AHCTF1: variants seen among roughly 807,000 people sequenced by gnomAD.
AHCTF1 encodes AT-hook containing transcription factor 1.
In AHCTF1, 24 loss-of-function variants were observed where a neutral mutation model predicts 248.4. That is an observed-to-expected ratio of 0.10 (90% CI 0.07 to 0.14). The LOEUF (loss-of-function observed/expected upper bound fraction) is 0.14. Ranked by LOEUF, AHCTF1 falls within the 10% of genes least tolerant of loss-of-function variation. The pLI, the probability that AHCTF1 is intolerant of heterozygous loss-of-function variation, is 1.00. For synonymous variants in AHCTF1, 786 were observed against 929.8 expected, an observed-to-expected ratio of 0.85 and a Z score of 2.81; for missense variants, 2,206 against 2,636.2, an observed-to-expected ratio of 0.84 and a Z score of 3.57.
At position 246,841,082 on chromosome 1, in the gene AHCTF1, C is replaced by T. The variant is rs911249294; in HGVS notation, c.6609-84G>A. 6 of 1,190,330 alleles carry T rather than the reference C, an allele frequency of 5.0e-6. No homozygotes were observed. In the African/African-American group the frequency reaches 7.9e-5, roughly 16 times the overall value. The allele number at this position is 1,190,330 out of a possible 1,614,324, so 73.7% of individuals were successfully genotyped here. On this transcript the variant is annotated intron_variant, in intron 35 of 35. Coordinates refer to ENST00000648844, the MANE Select transcript of AHCTF1 (RefSeq NM_001323342.2). ...GGCTTCCCAACATGTTGAGAAAAAC[C>T]TTAGGGACTGCTTAGTGCTTTCATT...
chr1:246,853,403 A>G, intron 31 of AHCTF1, 104 bp from the exon 32 acceptor site: 1 of 842,370 alleles, frequency 1.2e-6, no homozygotes, highest in Non-Finnish European at 1.8e-6. Flanking sequence ...TGAATAGTGT[A>G]TTAATAAACT....
chr1:246,928,819 C>T (rs761798794), intron 1 of AHCTF1, among the ~76,000 whole-genome samples: 3 of 152,138 alleles, frequency 2.0e-5, no homozygotes, highest in Non-Finnish European at 2.9e-5. Context: ...AATAAAAAGA[C>T]GAATTGTCAT....
intron 10 of AHCTF1, 57 bp from the exon 11 acceptor site, chr1:246,899,569 G>T: frequency 7.3e-7 from 1 of 1,374,310 alleles, no homozygotes; most frequent in South Asian, 1.3e-5. Flanking sequence ...GGCATTAATA[G>T]AACAAAATTT....
intron 1 of AHCTF1, among the ~76,000 whole-genome samples, chr1:246,929,565 C>G (rs1184536102): frequency 6.6e-6 from 1 of 152,078 alleles, no homozygotes; most frequent in Non-Finnish European, 1.5e-5. Flanking sequence ...CAGAATGAGT[C>G]CAGGATTGAT....
At chr1:246,905,751 C>T (rs1665343139) in intron 5 of AHCTF1, 94 bp from the exon 6 acceptor site, 1 of 842,466 alleles carries the variant, frequency 1.2e-6, no homozygotes, top group African/African-American at 1.7e-5. Context: ...AACCACTGTT[C>T]CTACACTTCC....
At chr1:246,846,137 A>G (rs1181413904) in intron 33 of AHCTF1, among the ~76,000 whole-genome samples, 1 of 149,206 alleles carries the variant, frequency 6.7e-6, no homozygotes, top group African/African-American at 2.5e-5. Context: ...GCCCTTCTTA[A>G]TATCTGCTGT....
Position 246,903,079 on chromosome 1 carries a change from G to C in AHCTF1, c.967-404C>G. ...GATACCTTTAAGAATCTGACAAAAG[G>C]CTATGAGACTTCGCCCATAAAAATG... On this transcript the variant is annotated intron_variant, in intron 7 of 35. Transcript: ENST00000648844. 2.0e-5 allele frequency among the ~76,000 whole-genome samples: 3 copies of C among 152,274 alleles called. No homozygotes were observed. The South Asian group carries it at 6.2e-4, about 32-fold the overall frequency.
intron 1 of AHCTF1, among the ~76,000 whole-genome samples, chr1:246,925,193 T>C (rs1395769431): frequency 6.6e-6 from 1 of 152,190 alleles, no homozygotes; most frequent in Non-Finnish European, 1.5e-5. Context: ...ATGCAGTAGC[T>C]TTTTACAAAG....
chr1:246,867,587 T>C (rs1558229124), intron 25 of AHCTF1, 74 bp downstream of exon 25: 5 of 1,528,064 alleles, frequency 3.3e-6, no homozygotes, highest in East Asian at 2.3e-5. Context: ...AGAGAGTGGA[T>C]TGTTGATGAA....
chr1:246,895,669 T>G (rs1007980246), intron 13 of AHCTF1, among the ~76,000 whole-genome samples, 166 bp downstream of exon 13: 1 of 152,198 alleles, frequency 6.6e-6, no homozygotes, highest in Non-Finnish European at 1.5e-5. Flanking sequence ...ATCATCATAC[T>G]GTGGGCAAAC....
chr1:246,860,964 T>C lies in AHCTF1; in HGVS notation c.4067A>G (p.Glu1356Gly). The C allele has an allele frequency of 6.2e-7, 1 of 1,613,774 alleles. No homozygotes were observed. The highest frequency in any genetic ancestry group is 8.5e-7 in the Non-Finnish European group (1 of 1,179,648). Residue 1356 changes from glutamate to glycine, a missense_variant, in exon 29 of 36, where the codon GAA (glutamate) becomes GGA (glycine). Glu to Gly is a moderately conservative substitution (Grantham distance 98). This residue lies in a region of AHCTF1 where 955 missense variants were observed against 1,055.6 expected (regional missense o/e 0.90). Transcript: ENST00000648844. ...AAATACATCTTTATCTCCATCCTTT[T>C]CAGTTTGTTCAGTTACATTAGTAGT... ...ALTTNVTEQT[E>G]KDGDKDVFAS...
At chr1:246,862,939 A>G (rs1661680713) in intron 27 of AHCTF1, among the ~76,000 whole-genome samples, 1 of 152,196 alleles carries the variant, frequency 6.6e-6, no homozygotes, top group Non-Finnish European at 1.5e-5. Context: ...CTTGGCCTCT[A>G]AAGGCCTAGT....
rs144599339 is a variant in AHCTF1 at position 246,888,412 on chromosome 1, A to G, written c.2250T>C (p.Tyr750=). 6.1e-3 allele frequency: 9,788 copies of G among 1,612,810 alleles called. 62 individuals are homozygous for G. Among genetic ancestry groups the G allele is most frequent in the Non-Finnish European group, 7.1e-3 (8,417 of 1,179,998 alleles). Residue 750 remains tyrosine (Y), a synonymous_variant, in exon 18 of 36, where the codon TAT becomes TAC. Coordinates refer to ENST00000648844, the MANE Select transcript of AHCTF1 (RefSeq NM_001323342.2). ...AACCTACATGCAGACTAGCAGGAGG[A>G]TATTTTCCTGTGCCTCCTTCATCTC... The part of the protein sequence containing the change: ...WKRDEGGTGK[Y]PPASLHAVLD...
intron 29 of AHCTF1, among the ~76,000 whole-genome samples, chr1:246,860,197 G>A (rs61226215): frequency 9.6e-5 from 14 of 145,088 alleles, no homozygotes; most frequent in East Asian, 2.0e-4. Context: ...TTGGGGGGGG[G>A]GCGGAGGTTG....
In AHCTF1 at chr1:246,867,260, A is replaced by G. The variant is rs752782414; in HGVS notation, c.3331T>C (p.Ser1111Pro). 1 of 1,594,412 alleles carries G rather than the reference A, an allele frequency of 6.3e-7. No homozygotes were observed. The highest frequency in any genetic ancestry group is 8.6e-7 in the Non-Finnish European group (1 of 1,168,166). ...AFFGTPISKA[S>P]QKISRLLDLV... is the part of the protein sequence containing the mutation. ...AACTCTTACCTAGAAATTTTTTGTGATGCTTTTGAAATTGGTGTTCCAAAA... is the reference window on the plus strand; with the variant it reads ...AACTCTTACCTAGAAATTTTTTGTGGTGCTTTTGAAATTGGTGTTCCAAAA... Residue 1111 changes from serine (S) to proline (P), a missense_variant, in exon 26 of 36, where the codon TCA becomes CCA. By Grantham distance (74) the Ser-to-Pro change is moderately conservative (BLOSUM62 -1). Transcript: ENST00000648844.
chr1:246,846,095 A>C (rs184736382), intron 33 of AHCTF1, among the ~76,000 whole-genome samples: 144 of 148,978 alleles, frequency 9.7e-4, no homozygotes, highest in Non-Finnish European at 1.7e-3. Context: ...TATGAATGTC[A>C]TGTATCTAGT....
At chr1:246,842,805 G>A in intron 34 of AHCTF1, 29 bp from the exon 35 acceptor site, 1 of 1,569,440 alleles carries the variant, frequency 6.4e-7, no homozygotes, top group Non-Finnish European at 8.8e-7. Context: ...AAAAGGTTAA[G>A]TATTAAACAC....
rs1285782894 is a variant in AHCTF1 at position 246,913,389 on chromosome 1, A to G, written c.399T>C (p.Ile133=). The change falls in exon 4 of 36, where the codon ATT becomes ATC. Residue 133 remains isoleucine, a synonymous_variant. Transcript: ENST00000648844. ...TGCTTGCACTGGCTCCTCCATGATT[A>G]ATTATAGGTTCAATAGCTGTTACCT... ...PGRVTAIEPI[I]NHGGASASTQ... 6.2e-7 allele frequency: 1 copy of G among 1,611,772 alleles called. No individual in the cohort carries two copies. The highest frequency in any genetic ancestry group is 1.1e-5 in the South Asian group (1 of 90,612).
At chr1:246,921,820 T>C (rs960135385) in intron 1 of AHCTF1, among the ~76,000 whole-genome samples, 6 of 152,122 alleles carry the variant, frequency 3.9e-5, no homozygotes, top group African/African-American at 1.4e-4. Flanking sequence ...AAAAGTTTGC[T>C]TAAAGGAAAT....
Sources: allele counts gnomAD v4.1 joint callset (sites outside exome capture counted in the v4.1 genomes callset), GRCh38; gene constraint gnomAD v4.1.1; regional missense constraint gnomAD v4.1.1; transcripts MANE v1.5; gene names NCBI Gene and HGNC (gene_info 2026-07-23, HGNC 2026-07-21).